Variants in PDZRN4 observed in about 807,000 individuals in gnomAD.
The protein encoded by PDZRN4 is PDZ domain containing ring finger 4, also known as PDZ domain-containing RING finger protein 4.
A neutral mutation model predicts 99.0 loss-of-function variants in PDZRN4; 70 were observed. The observed-to-expected ratio is 0.71, with a 90% CI of 0.58 to 0.86. The LOEUF is 0.86. Ranked by LOEUF, PDZRN4 falls within the 40% of genes least tolerant of loss-of-function variation. The pLI, the probability that PDZRN4 is intolerant of heterozygous loss-of-function variation, is 0.00. For synonymous variants in PDZRN4, 551 were observed against 501.6 expected, an observed-to-expected ratio of 1.10 and a Z score of -1.32; for missense variants, 1,474 against 1,331.2, an observed-to-expected ratio of 1.11 and a Z score of -1.67.
chr12:41,341,281 T>A (rs181438459), intron 3 of PDZRN4, among the ~76,000 whole-genome samples: 1 of 151,838 alleles, frequency 6.6e-6, no homozygotes, highest in East Asian at 1.9e-4. Context: ...ACCTGAAACC[T>A]CTAAGATCAG....
At position 41,235,513 on chromosome 12, in the gene PDZRN4, G is replaced by T. The variant is rs535320093; in HGVS notation, c.843+41325G>T. Among the ~76,000 whole-genome samples the T allele has an allele frequency of 5.9e-5, 9 of 152,304 alleles. No homozygotes were observed. The East Asian group carries it at 1.7e-3, about 29-fold the overall frequency. On this transcript the variant is annotated intron_variant, in intron 3 of 9. Transcript: ENST00000402685. Reference sequence around the variant, plus strand: ...TCACCCATGAAGGATCAGGGAGTGAGTTCCTATGCACACAGTGTGCTTTTG... The same window carrying T: ...TCACCCATGAAGGATCAGGGAGTGATTTCCTATGCACACAGTGTGCTTTTG...
At chr12:41,568,817 T>C (rs1939425180) in intron 9 of PDZRN4, among the ~76,000 whole-genome samples, 1 of 150,940 alleles carries the variant, frequency 6.6e-6, no homozygotes, top group Non-Finnish European at 1.5e-5. Context: ...TTTTATTATA[T>C]ATATATATAC....
At chr12:41,246,241 A>G (rs928324143) in intron 3 of PDZRN4, among the ~76,000 whole-genome samples, 3 of 152,200 alleles carry the variant, frequency 2.0e-5, no homozygotes, top group Non-Finnish European at 1.5e-5. Flanking sequence ...AGCAATGAAT[A>G]TGATTTTGAT....
At chr12:41,252,459 C>G (rs951637917) in intron 3 of PDZRN4, among the ~76,000 whole-genome samples, 5 of 152,090 alleles carry the variant, frequency 3.3e-5, no homozygotes, top group African/African-American at 7.2e-5. Context: ...AAATTTTAGG[C>G]AAAACAGGCC....
intron 3 of PDZRN4, among the ~76,000 whole-genome samples, chr12:41,340,358 T>C (rs2897266): frequency 0.39 from 58,592 of 151,752 alleles, 11,405 homozygotes; most frequent in South Asian, 0.42. Context: ...CCTCACTCAT[T>C]TGTGGAATCT....
At chr12:41,421,666 C>T (rs1400038388) in intron 3 of PDZRN4, among the ~76,000 whole-genome samples, 1 of 152,246 alleles carries the variant, frequency 6.6e-6, no homozygotes, top group East Asian at 1.9e-4. Flanking sequence ...CCACACTTTG[C>T]GCCAGACTAA....
chr12:41,194,004 T>C, intron 2 of PDZRN4, 77 bp from the exon 3 acceptor site: 1 of 705,468 alleles, frequency 1.4e-6, no homozygotes, highest in South Asian at 1.6e-5. Context: ...TTGGTAATGT[T>C]ACATTTGGTA....
At chr12:41,505,605 GAAT>G (rs1355168467) in intron 3 of PDZRN4, among the ~76,000 whole-genome samples, 1 of 152,094 alleles carries the variant, frequency 6.6e-6, no homozygotes, top group Non-Finnish European at 1.5e-5. Context: ...CCCACAAAAA[GAAT>G]AATTTTTCTC....
At chr12:41,536,953 T>G (rs964527692) in intron 5 of PDZRN4, among the ~76,000 whole-genome samples, 1 of 152,162 alleles carries the variant, frequency 6.6e-6, no homozygotes, top group Non-Finnish European at 1.5e-5. Flanking sequence ...AATATGAAAC[T>G]TCTATGTTTT....
At chr12:41,284,622 A>G (rs117789112) in intron 3 of PDZRN4, among the ~76,000 whole-genome samples, 1,738 of 152,356 alleles carry the variant, frequency 0.011, 52 homozygotes, top group East Asian at 0.097. Context: ...ACAAGGCTAC[A>G]GTAACCAAAA....
At chr12:41,190,864 C>CTACT (rs1197024650) in intron 1 of PDZRN4, among the ~76,000 whole-genome samples, 1 of 152,180 alleles carries the variant, frequency 6.6e-6, no homozygotes, top group African/African-American at 2.4e-5. Flanking sequence ...AAAATACATA[C>CTACT]TACTTTACCT....
chr12:41,477,870 A>G lies in PDZRN4; in HGVS notation c.844-28586A>G, dbSNP rs769275205. The stretch of plus-strand genomic sequence containing the variant: ...ATTTTTCTTGCATTTTTCAGGTAAG[A>G]GACAATTTTTCCTTAAACCTTTGGC... On this transcript the variant is annotated intron_variant, in intron 3 of 9. Coordinates refer to ENST00000402685, the MANE Select transcript of PDZRN4 (RefSeq NM_001164595.2). The G allele has an allele frequency of 1.2e-5, 19 of 1,545,354 alleles. No individual in the cohort carries two copies. In the Admixed American group the frequency reaches 3.4e-4, roughly 28 times the overall value.
intron 3 of PDZRN4, among the ~76,000 whole-genome samples, chr12:41,401,734 A>G (rs920539225): frequency 3.3e-5 from 5 of 152,064 alleles, no homozygotes; most frequent in Non-Finnish European, 7.4e-5. Flanking sequence ...CAACATAAAC[A>G]CAGCAACATT....
intron 3 of PDZRN4, among the ~76,000 whole-genome samples, chr12:41,224,905 A>G (rs1950982697): frequency 6.6e-6 from 1 of 152,176 alleles, no homozygotes; most frequent in African/African-American, 2.4e-5. Flanking sequence ...TAATCACTAC[A>G]TAATAATACC....
intron 3 of PDZRN4, among the ~76,000 whole-genome samples, chr12:41,371,171 G>T (rs1952038608): frequency 6.7e-6 from 1 of 149,368 alleles, no homozygotes; most frequent in Non-Finnish European, 1.5e-5. Context: ...TATTATTCTA[G>T]ATTGATTTTT....
chr12:41,402,687 T>C (rs1423609426), intron 3 of PDZRN4, among the ~76,000 whole-genome samples: 1 of 133,970 alleles, frequency 7.5e-6, no homozygotes, highest in Non-Finnish European at 1.6e-5. Flanking sequence ...ATATACTGAG[T>C]ATATACATAT....
chr12:41,294,405 C>A (rs1241618841), intron 3 of PDZRN4, among the ~76,000 whole-genome samples: 1 of 152,076 alleles, frequency 6.6e-6, no homozygotes, highest in East Asian at 1.9e-4. Context: ...AGATTAATTT[C>A]TACTAATAAT....
chr12:41,282,534 T>C (rs540484489), intron 3 of PDZRN4, among the ~76,000 whole-genome samples: 1 of 152,322 alleles, frequency 6.6e-6, no homozygotes, highest in South Asian at 2.1e-4. Flanking sequence ...AATAGACATC[T>C]ACAGAACTCT....
chr12:41,280,622 C>T (rs1313606071), intron 3 of PDZRN4, among the ~76,000 whole-genome samples: 3 of 152,094 alleles, frequency 2.0e-5, no homozygotes, highest in Non-Finnish European at 1.5e-5. Flanking sequence ...TGGAGCCCAC[C>T]GCAGCTCAGC....
Sources: allele counts gnomAD v4.1 joint callset (sites outside exome capture counted in the v4.1 genomes callset), GRCh38; gene constraint gnomAD v4.1.1; transcripts MANE v1.5; gene names NCBI Gene and HGNC (gene_info 2026-07-23, HGNC 2026-07-21).